MIPEP: variants seen among roughly 807,000 people sequenced by gnomAD.
MIPEP encodes mitochondrial intermediate peptidase.
Under a neutral mutation model 90.3 loss-of-function variants are expected in MIPEP, and 79 were observed. The ratio of observed to expected loss-of-function variants is 0.87; its 90% CI spans 0.73 to 1.05. The LOEUF is 1.05. MIPEP is among the 50% of genes least tolerant of loss of function. The pLI is 0.00. For missense variants in MIPEP, 940 were observed against 905.6 expected (o/e 1.04, Z -0.49); for synonymous variants, 334 against 315.8 (o/e 1.06, Z -0.61).
At chr13:23,814,842 CT>C (rs977973331) in intron 14 of MIPEP, among the ~76,000 whole-genome samples, 2 of 152,128 alleles carry the variant, frequency 1.3e-5, no homozygotes, top group Non-Finnish European at 2.9e-5. Flanking sequence ...CAAAATCTGC[CT>C]GCATTTCAAA....
At chr13:23,781,388 A>C (rs1952780763) in intron 16 of MIPEP, among the ~76,000 whole-genome samples, 2 of 152,210 alleles carry the variant, frequency 1.3e-5, no homozygotes, top group African/African-American at 2.4e-5. Flanking sequence ...AAAATACTTT[A>C]CAGACAAGCA....
At chr13:23,840,468 G>T (rs12875860) in intron 11 of MIPEP, among the ~76,000 whole-genome samples, 1 of 151,916 alleles carries the variant, frequency 6.6e-6, no homozygotes, top group African/African-American at 2.4e-5. Flanking sequence ...TTCATCACCC[G>T]CATTTTGTCC....
intron 18 of MIPEP, among the ~76,000 whole-genome samples, chr13:23,744,450 G>A (rs1952364176): frequency 6.6e-6 from 1 of 152,194 alleles, no homozygotes; most frequent in African/African-American, 2.4e-5. Flanking sequence ...GAAAGAAGTT[G>A]AAGAAATTAC....
rs143853397 is a variant in MIPEP at position 23,742,280 on chromosome 13, G to A, written c.2045-11835C>T. On this transcript the variant is annotated intron_variant, in intron 18 of 18. Coordinates refer to ENST00000382172, the MANE Select transcript of MIPEP (RefSeq NM_005932.4). The stretch of plus-strand genomic sequence containing the variant: ...TCATTTTCTAAATAAAACTTTAGGT[G>A]GCTCGAAAGAAGGCAATATATCCTG... Among the ~76,000 whole-genome samples the A allele has an allele frequency of 8.5e-4, 129 of 152,302 alleles. 1 individual carries two copies. Among genetic ancestry groups the A allele is most frequent in the African/African-American group, 3.0e-3 (126 of 41,560 alleles).
At chr13:23,734,407 T>A (rs1048614634) in intron 18 of MIPEP, among the ~76,000 whole-genome samples, 3 of 152,244 alleles carry the variant, frequency 2.0e-5, no homozygotes, top group Non-Finnish European at 4.4e-5. Context: ...TTTGGTGCGT[T>A]GGCCGAGAAA....
At chr13:23,732,661 T>C (rs1432737404) in intron 18 of MIPEP, among the ~76,000 whole-genome samples, 1 of 152,212 alleles carries the variant, frequency 6.6e-6, no homozygotes, top group East Asian at 1.9e-4. Flanking sequence ...AAGCCTTATG[T>C]GAAGCAGTAC....
intron 5 of MIPEP, among the ~76,000 whole-genome samples, chr13:23,872,218 T>C (rs1406498746): frequency 2.0e-5 from 3 of 152,212 alleles, no homozygotes; most frequent in Non-Finnish European, 4.4e-5. Context: ...TCCCAGAACT[T>C]TGGGAGGCTG....
intron 10 of MIPEP, among the ~76,000 whole-genome samples, chr13:23,858,540 G>A (rs1870143105): frequency 6.6e-6 from 1 of 151,272 alleles, no homozygotes; most frequent in African/African-American, 2.4e-5. Context: ...TCCTTTACTG[G>A]TTCAGTAAAC....
At chr13:23,738,849 T>A (rs1952293099) in intron 18 of MIPEP, among the ~76,000 whole-genome samples, 1 of 152,112 alleles carries the variant, frequency 6.6e-6, no homozygotes, top group Non-Finnish European at 1.5e-5. Context: ...GAATTCTTAA[T>A]CCCCCATCCG....
intron 7 of MIPEP, among the ~76,000 whole-genome samples, chr13:23,864,504 A>C (rs4770509): frequency 2.6e-5 from 4 of 152,124 alleles, no homozygotes; most frequent in East Asian, 3.9e-4. Context: ...GGCTGAGGGC[A>C]GGGGGTGGAT....
At chr13:23,736,274 A>C (rs1268715048) in intron 18 of MIPEP, among the ~76,000 whole-genome samples, 1 of 152,242 alleles carries the variant, frequency 6.6e-6, no homozygotes, top group African/African-American at 2.4e-5. Context: ...AATATAAGAA[A>C]GACAAAATTG....
chr13:23,802,642 C>T (rs1161923822), intron 16 of MIPEP, among the ~76,000 whole-genome samples: 1 of 150,450 alleles, frequency 6.6e-6, no homozygotes, highest in Non-Finnish European at 1.5e-5. Flanking sequence ...CAGTCTTTTG[C>T]TTTATGTTTA....
chr13:23,738,344 T>C (rs1952287018), intron 18 of MIPEP, among the ~76,000 whole-genome samples: 1 of 152,060 alleles, frequency 6.6e-6, no homozygotes, highest in African/African-American at 2.4e-5. Flanking sequence ...TCAGCTATTG[T>C]TAATGTAGTT....
At chr13:23,852,913 T>A (rs901639724) in intron 10 of MIPEP, among the ~76,000 whole-genome samples, 3 of 152,164 alleles carry the variant, frequency 2.0e-5, no homozygotes, top group African/African-American at 7.2e-5. Context: ...TTGGCTAATG[T>A]GTATGTTTGT....
At chr13:23,855,876 C>A (rs2030587505) in intron 10 of MIPEP, among the ~76,000 whole-genome samples, 1 of 152,134 alleles carries the variant, frequency 6.6e-6, no homozygotes, top group Admixed American at 6.5e-5. Context: ...TCCCAGCATA[C>A]CTGGTGATTT....
At chr13:23,839,294 T>A (rs1299189609) in intron 12 of MIPEP, among the ~76,000 whole-genome samples, 1 of 152,216 alleles carries the variant, frequency 6.6e-6, no homozygotes, top group Non-Finnish European at 1.5e-5. Context: ...ATGGCTTCAG[T>A]TTCCTCATAA....
At chr13:23,887,493 C>T (rs1369626727) in intron 1 of MIPEP, among the ~76,000 whole-genome samples, 1 of 152,116 alleles carries the variant, frequency 6.6e-6, no homozygotes, top group Non-Finnish European at 1.5e-5. Flanking sequence ...AACTCGAACC[C>T]GCTCTGTACA....
At chr13:23,794,740 T>TA (rs1565996152) in intron 16 of MIPEP, among the ~76,000 whole-genome samples, 1 of 151,970 alleles carries the variant, frequency 6.6e-6, no homozygotes, top group Non-Finnish European at 1.5e-5. Flanking sequence ...AGGACCATAT[T>TA]AAAAAAACAA....
At chr13:23,733,068 AC>A (rs1471419920) in intron 18 of MIPEP, among the ~76,000 whole-genome samples, 2 of 152,368 alleles carry the variant, frequency 1.3e-5, no homozygotes, top group Admixed American at 6.5e-5. Context: ...GAAAATGTTT[AC>A]TAAATGGCAA....
Sources: allele counts gnomAD v4.1 joint callset (sites outside exome capture counted in the v4.1 genomes callset), GRCh38; gene constraint gnomAD v4.1.1; transcripts MANE v1.5; gene names NCBI Gene and HGNC (gene_info 2026-07-23, HGNC 2026-07-21).